Variants in SCAI observed in about 807,000 individuals in gnomAD.
SCAI encodes the protein protein SCAI.
Under a neutral mutation model 92.2 loss-of-function variants are expected in SCAI, and 24 were observed. That is an observed-to-expected ratio of 0.26 (90% confidence interval 0.19 to 0.37). The LOEUF (loss-of-function observed/expected upper bound fraction) is 0.37. SCAI is among the 10% of genes least tolerant of loss of function. The pLI, the probability that SCAI is intolerant of heterozygous loss-of-function variation, is 1.00. For synonymous variants in SCAI, 261 were observed against 258.6 expected (o/e 1.01, Z -0.09); for missense variants, 450 against 736.2 (o/e 0.61, Z 4.50).
At chr9:124,958,904 C>CA (rs10713604) in intron 17 of SCAI, among the ~76,000 whole-genome samples, 118 of 111,684 alleles carry the variant, frequency 1.1e-3, no homozygotes, top group African/African-American at 2.1e-3. Flanking sequence ...GACTCAGTCT[C>CA]AAAAAAAAAA....
At chr9:125,084,902 C>T (rs1281403715) in intron 2 of SCAI, among the ~76,000 whole-genome samples, 1 of 152,172 alleles carries the variant, frequency 6.6e-6, no homozygotes. Context: ...TATACATACA[C>T]TGGATGTGAA....
chr9:125,107,360 G>C (rs908048491), intron 2 of SCAI, among the ~76,000 whole-genome samples: 3 of 149,208 alleles, frequency 2.0e-5, no homozygotes, highest in Non-Finnish European at 4.4e-5. Flanking sequence ...AGTGAGCCGA[G>C]ATCGCCCCGC....
At chr9:125,089,415 A>T (rs1834384342) in intron 2 of SCAI, among the ~76,000 whole-genome samples, 1 of 152,216 alleles carries the variant, frequency 6.6e-6, no homozygotes, top group South Asian at 2.1e-4. Flanking sequence ...ACCTGTGGTC[A>T]AATTAAACAG....
intron 3 of SCAI, among the ~76,000 whole-genome samples, chr9:125,051,417 T>G (rs1251484157): frequency 6.6e-6 from 1 of 152,136 alleles, no homozygotes; most frequent in Non-Finnish European, 1.5e-5. Context: ...AGGTGACAGA[T>G]CAAAATTTAT....
At chr9:125,003,681 G>A (rs572300991) in intron 9 of SCAI, 111 bp from the exon 10 acceptor site, 3 of 675,892 alleles carry the variant, frequency 4.4e-6, no homozygotes, top group Non-Finnish European at 7.7e-6. Flanking sequence ...AGGGCTTTGG[G>A]TACCTTTTTC....
chr9:125,042,633 G>GTGTGTGTGTGTGTGTGTA (rs1833341757), intron 3 of SCAI, among the ~76,000 whole-genome samples: 1 of 80,900 alleles, frequency 1.2e-5, no homozygotes, highest in Non-Finnish European at 2.2e-5. Flanking sequence ...GTGTGTGTGT[G>GTGTGTGTGTGTGTGTGTA]TACACACACA....
At chr9:125,049,954 AAC>A (rs1833525239) in intron 3 of SCAI, among the ~76,000 whole-genome samples, 1 of 152,208 alleles carries the variant, frequency 6.6e-6, no homozygotes, top group South Asian at 2.1e-4. Flanking sequence ...GTTTCTTAAA[AAC>A]ACACTTACAG....
At position 125,018,929 on chromosome 9, in the gene SCAI, T is replaced by C. The variant is rs201358665; in HGVS notation, c.731A>G (p.Asn244Ser). The change falls in exon 9 of 18, where the codon AAT becomes AGT. Residue 244 changes from asparagine to serine, a missense_variant. Physicochemically the swap from Asn to Ser is conservative, Grantham distance 46 (BLOSUM62 1). Coordinates refer to ENST00000336505, the MANE Select transcript of SCAI (RefSeq NM_001144877.3). Reference protein sequence around the residue: ...FIEADPVMVLNDDNTIVITSN... With the variant: ...FIEADPVMVLSDDNTIVITSN... Reference sequence around the variant, plus strand: ...TGTGATAACAATGGTATTATCATCATTTAATACCATTACAGGATCCGCCTA... The same window carrying C: ...TGTGATAACAATGGTATTATCATCACTTAATACCATTACAGGATCCGCCTA... 5.2e-5 allele frequency: 84 copies of C among 1,613,524 alleles called. No homozygotes were observed. The African/African-American group carries it at 1.0e-3, about 20-fold the overall frequency.
intron 9 of SCAI, among the ~76,000 whole-genome samples, chr9:125,006,965 C>A (rs554567317): frequency 6.6e-6 from 1 of 151,984 alleles, no homozygotes; most frequent in East Asian, 2.0e-4. Context: ...CTAACAAATA[C>A]AAAAATTAGC....
chr9:125,135,471 G>C (rs912160836), intron 2 of SCAI, among the ~76,000 whole-genome samples: 3 of 151,796 alleles, frequency 2.0e-5, no homozygotes, highest in Non-Finnish European at 4.4e-5. Flanking sequence ...AGCCACCATG[G>C]GGAAACCCCG....
intron 2 of SCAI, among the ~76,000 whole-genome samples, chr9:125,135,986 C>CAA (rs992453709): frequency 7.6e-6 from 1 of 132,358 alleles, no homozygotes; most frequent in African/African-American, 2.8e-5. Flanking sequence ...AAAAAAAAAA[C>CAA]AAAAAAAAAA....
intron 9 of SCAI, among the ~76,000 whole-genome samples, chr9:125,004,618 G>A (rs72765229): frequency 0.16 from 24,399 of 148,748 alleles, 2,221 homozygotes; most frequent in East Asian, 0.24. Flanking sequence ...CATAAGCCAC[G>A]ATTCCTGACT....
intron 5 of SCAI, among the ~76,000 whole-genome samples, 195 bp downstream of exon 5, chr9:125,028,197 T>G (rs1479350468): frequency 6.6e-6 from 1 of 152,198 alleles, no homozygotes; most frequent in Non-Finnish European, 1.5e-5. Context: ...GAGGCAAGCC[T>G]TTAAAACAAA....
At chr9:124,977,392 C>T (rs1256484916) in intron 14 of SCAI, among the ~76,000 whole-genome samples, 1 of 134,206 alleles carries the variant, frequency 7.5e-6, no homozygotes, top group East Asian at 2.0e-4. Context: ...CTTTACACCT[C>T]AGTGAGGCCC....
At chr9:125,020,636 T>C in intron 7 of SCAI, 37 bp downstream of exon 7, 2 of 907,786 alleles carry the variant, frequency 2.2e-6, no homozygotes, top group Non-Finnish European at 3.5e-6. Flanking sequence ...CATATACAAC[T>C]AGAGATTAGA....
intron 15 of SCAI, 60 bp downstream of exon 15, chr9:124,976,054 C>A: frequency 9.6e-7 from 1 of 1,043,362 alleles, no homozygotes; most frequent in South Asian, 1.3e-5. Flanking sequence ...CAGTACTATT[C>A]ATAATATAGA....
chr9:124,948,119 C>T lies in SCAI; in HGVS notation c.*4688G>A, dbSNP rs569089732. ...ACATAAATCCGATTTGTCGCTTTTC[C>T]CATTATCCTGACTAAATCAGTATAA... On this transcript the variant is annotated 3_prime_UTR_variant, in exon 18 of 18. Coordinates refer to ENST00000336505, the MANE Select transcript of SCAI (RefSeq NM_001144877.3). 6.6e-6 allele frequency: 1 copy of T among 152,278 alleles called. No homozygotes were observed. Among genetic ancestry groups the T allele is most frequent in the African/African-American group, 2.4e-5 (1 of 41,556 alleles). 9.4% of individuals were successfully genotyped at this position (152,278 alleles called of 1,614,324 possible). A position where few individuals can be genotyped will look rare whatever the true frequency, so the allele number is the denominator to read the frequency against.
intron 9 of SCAI, among the ~76,000 whole-genome samples, chr9:125,004,760 TATATATATATATATATA>T (rs1421344120): frequency 2.0e-3 from 20 of 9,878 alleles, no homozygotes; most frequent in African/African-American, 3.5e-3. Flanking sequence ...TATATATATA[TATATATATATATATATA>T]TATTTTTTTT....
Position 124,946,635 on chromosome 9 carries a change from T to TATA in SCAI, c.*6169_*6171dup, listed in dbSNP as rs997087848. 2.0e-5 allele frequency: 3 copies of TATA among 152,242 alleles called. No homozygotes were observed. The highest frequency in any genetic ancestry group is 4.4e-5 in the Non-Finnish European group (3 of 68,038). 9.4% of individuals were successfully genotyped at this position (152,242 alleles called of 1,614,324 possible). A position where few individuals can be genotyped will look rare whatever the true frequency, so the allele number is the denominator to read the frequency against. On this transcript the variant is annotated 3_prime_UTR_variant, in exon 18 of 18. Transcript: ENST00000336505. The surrounding 1 kb of genome is among the most constrained non-coding windows in gnomAD (Gnocchi z 4.0). ...CAAACATTGATACTTGGCAACATTCTATAGGTTCACAAATTGGCATTGCAC... is the reference window on the plus strand; with the variant it reads ...CAAACATTGATACTTGGCAACATTCTATAATAGGTTCACAAATTGGCATTGCAC...
Sources: allele counts gnomAD v4.1 joint callset (sites outside exome capture counted in the v4.1 genomes callset), GRCh38; gene constraint gnomAD v4.1.1; non-coding constraint Gnocchi (gnomAD v3.1); transcripts MANE v1.5; gene names NCBI Gene and HGNC (gene_info 2026-07-23, HGNC 2026-07-21).